The following SNTG1 variants were observed in gnomAD, a reference collection of about 807,000 sequenced individuals.
The protein encoded by SNTG1 is syntrophin gamma 1, also known as gamma-1-syntrophin.
Under a neutral mutation model 74.7 loss-of-function variants are expected in SNTG1, and 39 were observed. That is an observed-to-expected ratio of 0.52 (90% confidence interval 0.40 to 0.68). The LOEUF (loss-of-function observed/expected upper bound fraction) is 0.68. SNTG1 is among the 30% of genes least tolerant of loss of function. The pLI, the probability that SNTG1 is intolerant of heterozygous loss-of-function variation, is 0.00. For missense variants in SNTG1, 685 were observed against 609.5 expected (o/e 1.12, Z -1.30); for synonymous variants, 254 against 217.1 (o/e 1.17, Z -1.49).
At chr8:50,601,330 C>T (rs535497428) in intron 13 of SNTG1, among the ~76,000 whole-genome samples, 1 of 151,944 alleles carries the variant, frequency 6.6e-6, no homozygotes, top group Admixed American at 6.6e-5. Context: ...GTTTCCATTA[C>T]CATTTGTTTC....
chr8:50,422,591 G>A (rs1030949832), intron 4 of SNTG1, among the ~76,000 whole-genome samples: 1 of 122,310 alleles, frequency 8.2e-6, no homozygotes, highest in African/African-American at 3.0e-5. Flanking sequence ...AAAGCTCATA[G>A]GTTAGGAGTT....
intron 13 of SNTG1, among the ~76,000 whole-genome samples, chr8:50,634,609 A>G (rs1439343949): frequency 6.6e-6 from 1 of 152,230 alleles, no homozygotes; most frequent in African/African-American, 2.4e-5. Flanking sequence ...GTATAATATG[A>G]TACAATATCA....
chr8:50,348,521 G>A (rs189870265), intron 2 of SNTG1, among the ~76,000 whole-genome samples: 1 of 152,246 alleles, frequency 6.6e-6, no homozygotes, highest in East Asian at 1.9e-4. Flanking sequence ...ATTTGACCTG[G>A]CTTTAATTTG....
intron 2 of SNTG1, among the ~76,000 whole-genome samples, chr8:50,355,080 A>G (rs190222491): frequency 3.9e-5 from 6 of 152,256 alleles, no homozygotes; most frequent in Admixed American, 6.5e-5. Flanking sequence ...GGAGGTGTGG[A>G]AGGCTATTTT....
chr8:49,994,404 C>T (rs1035632116), intron 1 of SNTG1, among the ~76,000 whole-genome samples: 3 of 148,264 alleles, frequency 2.0e-5, no homozygotes, highest in Admixed American at 6.9e-5. Flanking sequence ...TACAGGCACC[C>T]GCCACCATGC....
At chr8:50,364,187 C>T (rs557888821) in intron 2 of SNTG1, among the ~76,000 whole-genome samples, 25 of 152,260 alleles carry the variant, frequency 1.6e-4, no homozygotes, top group African/African-American at 5.5e-4. Flanking sequence ...GTTGAAAGTT[C>T]CAGTCCCTTA....
At chr8:50,449,961 T>A (rs2093440829) in intron 6 of SNTG1, among the ~76,000 whole-genome samples, 1 of 152,152 alleles carries the variant, frequency 6.6e-6, no homozygotes, top group African/African-American at 2.4e-5. Flanking sequence ...TGAAAGCAGG[T>A]ATGAGTTAGG....
intron 1 of SNTG1, among the ~76,000 whole-genome samples, chr8:50,077,469 T>C (rs1295289896): frequency 6.6e-6 from 1 of 152,212 alleles, no homozygotes; most frequent in African/African-American, 2.4e-5. Context: ...TTTAGTTTTC[T>C]GACACATAAT....
chr8:50,544,823 G>A (rs897505505), intron 11 of SNTG1, among the ~76,000 whole-genome samples: 4 of 152,050 alleles, frequency 2.6e-5, no homozygotes, highest in African/African-American at 9.7e-5. Context: ...GAGACATTAT[G>A]TTTGATTCTT....
rs142745369 is a variant in SNTG1 at position 50,426,089 on chromosome 8, T to C, written c.163-12454T>C. ...GAGGCTCCCCTATTAACATCTTACA[T>C]AGTATGGTAAGTTGGTTACAGTGAA... On this transcript the variant is annotated intron_variant, in intron 4 of 18. Coordinates refer to ENST00000642720, the MANE Select transcript of SNTG1 (RefSeq NM_018967.5). Among the ~76,000 whole-genome samples, 6 of 152,290 alleles carry C rather than the reference T, an allele frequency of 3.9e-5. No homozygotes were observed. The East Asian group carries it at 1.2e-3, about 29-fold the overall frequency.
chr8:49,921,417 C>T (rs779558688), intron 1 of SNTG1, among the ~76,000 whole-genome samples: 9 of 151,946 alleles, frequency 5.9e-5, no homozygotes, highest in Non-Finnish European at 1.3e-4. Flanking sequence ...TTCTGAAAAA[C>T]GATTAACATA....
chr8:50,290,581 T>G (rs911182385), intron 2 of SNTG1, among the ~76,000 whole-genome samples: 1 of 152,176 alleles, frequency 6.6e-6, no homozygotes, highest in Non-Finnish European at 1.5e-5. Context: ...AGTTGTAATA[T>G]CCTTGATTCC....
intron 10 of SNTG1, among the ~76,000 whole-genome samples, chr8:50,530,479 A>G (rs1428164759): frequency 6.6e-6 from 1 of 152,196 alleles, no homozygotes; most frequent in Non-Finnish European, 1.5e-5. Context: ...GAAGCAATAG[A>G]TACTATTAAC....
intron 1 of SNTG1, among the ~76,000 whole-genome samples, chr8:49,920,513 G>T (rs1315593897): frequency 6.6e-6 from 1 of 151,892 alleles, no homozygotes; most frequent in Non-Finnish European, 1.5e-5. Flanking sequence ...CCTATTATAG[G>T]CTTGACTTGC....
intron 2 of SNTG1, among the ~76,000 whole-genome samples, chr8:50,220,618 G>T (rs2085015876): frequency 6.6e-6 from 1 of 152,196 alleles, no homozygotes; most frequent in African/African-American, 2.4e-5. Flanking sequence ...CAAACTGGCA[G>T]TTGGGAGGAG....
chr8:50,255,875 T>C (rs1273113037), intron 2 of SNTG1, among the ~76,000 whole-genome samples: 6 of 151,614 alleles, frequency 4.0e-5, no homozygotes, highest in African/African-American at 1.5e-4. Context: ...GTCTGTAACA[T>C]CATGTCACTT....
chr8:49,913,384 T>C (rs1805744851), intron 1 of SNTG1, among the ~76,000 whole-genome samples: 1 of 152,264 alleles, frequency 6.6e-6, no homozygotes, highest in Admixed American at 6.5e-5. Flanking sequence ...TATCTATACG[T>C]ACCTTCCTTC....
intron 1 of SNTG1, among the ~76,000 whole-genome samples, chr8:49,982,603 C>A (rs79098274): frequency 0.012 from 1,542 of 125,764 alleles, no homozygotes; most frequent in Non-Finnish European, 0.013. Context: ...GAGGCTGAAG[C>A]AAAAAAAAAA....
At chr8:50,105,237 C>T (rs191966076) in intron 1 of SNTG1, among the ~76,000 whole-genome samples, 3 of 152,114 alleles carry the variant, frequency 2.0e-5, no homozygotes, top group African/African-American at 7.2e-5. Context: ...CAGCTCCTAT[C>T]TTCTGCATAT....
Sources: allele counts gnomAD v4.1 joint callset (sites outside exome capture counted in the v4.1 genomes callset), GRCh38; gene constraint gnomAD v4.1.1; transcripts MANE v1.5; gene names NCBI Gene and HGNC (gene_info 2026-07-23, HGNC 2026-07-21).